The following ARHGAP8 variants were observed in gnomAD, a reference collection of about 807,000 sequenced individuals.
ARHGAP8 encodes Rho GTPase activating protein 8.
In ARHGAP8, 62 loss-of-function variants were observed where a neutral mutation model predicts 46.1. The observed-to-expected ratio is 1.34, with a 90% CI of 1.10 to 1.66. The LOEUF is 1.66. Ranked by LOEUF, ARHGAP8 falls within the 40% of genes most tolerant of loss-of-function variation. The pLI is 0.00. For synonymous variants in ARHGAP8, 375 were observed against 243.1 expected (o/e 1.54, Z -5.05); for missense variants, 923 against 568.4 (o/e 1.62, Z -6.34).
At chr22:44,856,647 G>A (rs2070233980) in intron 10 of ARHGAP8, among the ~76,000 whole-genome samples, 1 of 137,356 alleles carries the variant, frequency 7.3e-6, no homozygotes, top group African/African-American at 3.0e-5. Context: ...GGCCATAAAG[G>A]CAAGTTCTCA....
chr22:44,827,685 G>C (rs1930638060), intron 7 of ARHGAP8, among the ~76,000 whole-genome samples: 2 of 152,114 alleles, frequency 1.3e-5, no homozygotes, highest in Non-Finnish European at 2.9e-5. Context: ...GTAGTTACTG[G>C]GACCACATGA....
chr22:44,860,992 A>G (rs1289730024), intron 11 of ARHGAP8, among the ~76,000 whole-genome samples: 2 of 126,428 alleles, frequency 1.6e-5, no homozygotes, highest in East Asian at 2.9e-4. Context: ...GCCCAAAACT[A>G]AACTCTCCTA....
At chr22:44,843,195 A>G (rs1285061140) in intron 7 of ARHGAP8, among the ~76,000 whole-genome samples, 3 of 152,184 alleles carry the variant, frequency 2.0e-5, no homozygotes, top group Non-Finnish European at 2.9e-5. Context: ...TTCCAGTGAA[A>G]CAATGCATTT....
intron 8 of ARHGAP8, among the ~76,000 whole-genome samples, chr22:44,845,713 C>T (rs956100671): frequency 2.0e-5 from 3 of 152,316 alleles, no homozygotes; most frequent in Admixed American, 2.0e-4. Flanking sequence ...ATGGGGACTC[C>T]TCTGATGGGA....
intron 7 of ARHGAP8, among the ~76,000 whole-genome samples, chr22:44,826,647 A>G (rs1362000604): frequency 6.6e-6 from 1 of 152,118 alleles, no homozygotes; most frequent in Non-Finnish European, 1.5e-5. Flanking sequence ...GCTGGTCTCG[A>G]ACTCCTGACC....
At chr22:44,808,571 A>G (rs1929100060) in intron 4 of ARHGAP8, 133 bp downstream of exon 4, 1 of 1,486,682 alleles carries the variant, frequency 6.7e-7, no homozygotes, top group African/African-American at 1.4e-5. Flanking sequence ...GGGTGAGCAA[A>G]TGTGGGGCAG....
chr22:44,843,436 AT>A (rs1457266664), intron 7 of ARHGAP8, among the ~76,000 whole-genome samples: 1 of 152,244 alleles, frequency 6.6e-6, no homozygotes, highest in African/African-American at 2.4e-5. Context: ...AGATTTTCTC[AT>A]TTTTAAGAAT....
Position 44,862,483 on chromosome 22 carries a change from AGG to A in ARHGAP8, c.1193_1194del (p.Gly398GlufsTer76). The A allele has an allele frequency of 1.9e-6, 3 of 1,612,950 alleles. No homozygotes were observed. The highest frequency in any genetic ancestry group is 2.5e-6 in the Non-Finnish European group (3 of 1,179,424). ...GAGCACGGCCTGGCACCATGGGAAC[AGG>A]GGAGCAGGGCAGCCCCTTTGCAGGA... On this transcript the variant is annotated frameshift_variant, in exon 12 of 12. Transcript: ENST00000356099. LOFTEE classifies it low-confidence loss of function (END_TRUNC).
intron 11 of ARHGAP8, 152 bp downstream of exon 11, chr22:44,859,986 C>G (rs529436827): frequency 2.1e-6 from 2 of 962,822 alleles, no homozygotes; most frequent in East Asian, 2.7e-5. Flanking sequence ...AGGACCTCAT[C>G]CAAGGCCTGG....
At chr22:44,830,977 A>C (rs746619968) in intron 7 of ARHGAP8, among the ~76,000 whole-genome samples, 3 of 152,170 alleles carry the variant, frequency 2.0e-5, no homozygotes, top group Non-Finnish European at 4.4e-5. Context: ...TTCTTTGGAA[A>C]AATGTATATT....
intron 8 of ARHGAP8, among the ~76,000 whole-genome samples, chr22:44,846,844 G>A (rs1375764302): frequency 2.6e-5 from 4 of 151,976 alleles, no homozygotes; most frequent in Non-Finnish European, 4.4e-5. Context: ...TTCCATCAGG[G>A]AGAAGGCCCT....
intron 7 of ARHGAP8, among the ~76,000 whole-genome samples, chr22:44,838,596 A>G (rs1353489935): frequency 6.6e-6 from 1 of 152,194 alleles, no homozygotes; most frequent in Non-Finnish European, 1.5e-5. Flanking sequence ...TTTAAAGGAC[A>G]GCACAGAGAC....
intron 5 of ARHGAP8, among the ~76,000 whole-genome samples, chr22:44,821,299 G>A (rs1045785730): frequency 1.9e-4 from 29 of 152,102 alleles, no homozygotes; most frequent in Non-Finnish European, 3.4e-4. Flanking sequence ...GCGTGGTGGT[G>A]TGCACCTTAA....
chr22:44,774,801 C>G (rs112408929), intron 1 of ARHGAP8, among the ~76,000 whole-genome samples: 1 of 151,508 alleles, frequency 6.6e-6, no homozygotes, highest in African/African-American at 2.4e-5. Flanking sequence ...GAATTACAGG[C>G]GTGAGCCACC....
Position 44,862,518 on chromosome 22 carries a change from C to T in ARHGAP8, c.1225C>T (p.Pro409Ser), listed in dbSNP as rs201182751. Residue 409 changes from proline (P) to serine (S), a missense_variant, in exon 12 of 12, where the codon CCA becomes TCA. Coordinates refer to ENST00000356099, the MANE Select transcript of ARHGAP8 (RefSeq NM_181335.3). ...SRAAPLQEAV[P>S]RTQATGLTKP... ...GGCAGCCCCTTTGCAGGAGGCTGTGCCACGGACACAAGCCACGGGCCTCAC... is the reference window on the plus strand; with the variant it reads ...GGCAGCCCCTTTGCAGGAGGCTGTGTCACGGACACAAGCCACGGGCCTCAC... 5.6e-6 allele frequency: 9 copies of T among 1,612,150 alleles called. No homozygotes were observed. Among genetic ancestry groups the T allele is most frequent in the South Asian group, 1.1e-5 (1 of 90,980 alleles).
chr22:44,838,584 C>G (rs2147146619), intron 7 of ARHGAP8, among the ~76,000 whole-genome samples: 1 of 152,246 alleles, frequency 6.6e-6, no homozygotes, highest in Middle Eastern at 3.4e-3. Flanking sequence ...TGAGAGTCTA[C>G]TTTTAAAGGA....
intron 1 of ARHGAP8, among the ~76,000 whole-genome samples, chr22:44,770,012 G>A (rs1245783559): frequency 1.3e-5 from 2 of 152,142 alleles, no homozygotes; most frequent in Non-Finnish European, 2.9e-5. Context: ...TTGGGAGGCC[G>A]AGGCAGGTGG....
chr22:44,820,411 G>A (rs370910532), intron 5 of ARHGAP8, among the ~76,000 whole-genome samples: 9 of 152,302 alleles, frequency 5.9e-5, no homozygotes, highest in African/African-American at 2.2e-4. Flanking sequence ...GACTCCCTTT[G>A]CCCTTAGTGG....
chr22:44,859,417 C>A (rs142401552), intron 10 of ARHGAP8, among the ~76,000 whole-genome samples: 1 of 152,172 alleles, frequency 6.6e-6, no homozygotes, highest in Non-Finnish European at 1.5e-5. Context: ...TTGCCTTCTG[C>A]CATAATTGGA....
Sources: allele counts gnomAD v4.1 joint callset (sites outside exome capture counted in the v4.1 genomes callset), GRCh38; gene constraint gnomAD v4.1.1; transcripts MANE v1.5; gene names NCBI Gene and HGNC (gene_info 2026-07-23, HGNC 2026-07-21).